ADAMTSL1: variants seen among roughly 807,000 people sequenced by gnomAD.
ADAMTSL1 encodes ADAMTS like 1, also known as ADAMTS-like protein 1.
In ADAMTSL1, 126 loss-of-function variants were observed where a neutral mutation model predicts 201.8. The ratio of observed to expected loss-of-function variants is 0.62; its 90% confidence interval spans 0.54 to 0.72. ADAMTSL1 has a LOEUF of 0.72. Ranked by LOEUF, ADAMTSL1 falls within the 30% of genes least tolerant of loss-of-function variation. ADAMTSL1 has a pLI of 0.00. For missense variants in ADAMTSL1, 2,679 were observed against 2,277.8 expected, an observed-to-expected ratio of 1.18 and a Z score of -3.59; for synonymous variants, 1,121 against 903.4, an observed-to-expected ratio of 1.24 and a Z score of -4.32.
intron 23 of ADAMTSL1, among the ~76,000 whole-genome samples, chr9:18,885,113 T>C (rs1262201923): frequency 2.0e-5 from 3 of 152,198 alleles, no homozygotes; most frequent in African/African-American, 7.2e-5. Flanking sequence ...TCTCAGTCCA[T>C]TTTGTGCTGC....
At chr9:18,364,264 T>C (rs1037715266) in intron 2 of ADAMTSL1, among the ~76,000 whole-genome samples, 36 of 152,254 alleles carry the variant, frequency 2.4e-4, no homozygotes, top group African/African-American at 8.7e-4. Context: ...AAAAACCACC[T>C]GGCAGAGGAA....
intron 2 of ADAMTSL1, among the ~76,000 whole-genome samples, chr9:18,422,938 T>A (rs1294950958): frequency 6.6e-6 from 1 of 152,212 alleles, no homozygotes; most frequent in Non-Finnish European, 1.5e-5. Flanking sequence ...CACTGTGTTA[T>A]CCAATAGTGT....
At position 18,042,095 on chromosome 9, in the gene ADAMTSL1, GAA is replaced by G. The variant is rs76542418; in HGVS notation, c.88-121752_88-121751del. Among the ~76,000 whole-genome samples, 71 of 124,462 alleles carry G rather than the reference GAA, an allele frequency of 5.7e-4. 1 individual carries two copies. The highest frequency in any genetic ancestry group is 1.2e-3 in the African/African-American group (43 of 36,530). 81.7% of individuals were successfully genotyped at this position (124,462 alleles called of 152,430 possible). The stretch of plus-strand genomic sequence containing the variant: ...GCTTTTAGTGAGTTGTAATTGCTGG[GAA>G]AAAAAAAAAAAAAAGCTTACGAACA... On this transcript the variant is annotated intron_variant, in intron 1 of 29. Coordinates refer to the ADAMTSL1 transcript ENST00000680146.
intron 2 of ADAMTSL1, among the ~76,000 whole-genome samples, chr9:18,343,796 T>C (rs1835576348): frequency 6.6e-6 from 1 of 152,112 alleles, no homozygotes; most frequent in Admixed American, 6.6e-5. Context: ...CCCTGGGCAT[T>C]TGTGCTTAAA....
intron 1 of ADAMTSL1, among the ~76,000 whole-genome samples, chr9:18,021,622 T>C (rs573343328): frequency 6.6e-6 from 1 of 152,142 alleles, no homozygotes; most frequent in African/African-American, 2.4e-5. Context: ...TAAGGTCTAA[T>C]AAATGTTTAT....
intron 2 of ADAMTSL1, among the ~76,000 whole-genome samples, chr9:18,274,118 G>A (rs929967645): frequency 2.6e-5 from 4 of 152,226 alleles, no homozygotes; most frequent in Non-Finnish European, 5.9e-5. Context: ...TCTCTCACTT[G>A]TATTGCAAAA....
chr9:18,288,763 C>T (rs1355199041), intron 2 of ADAMTSL1, among the ~76,000 whole-genome samples: 1 of 152,250 alleles, frequency 6.6e-6, no homozygotes. Flanking sequence ...CCTCAGGTCT[C>T]TTCAGCCTGA....
chr9:18,081,819 T>C (rs1287707586), intron 1 of ADAMTSL1, among the ~76,000 whole-genome samples: 1 of 152,214 alleles, frequency 6.6e-6, no homozygotes, highest in Non-Finnish European at 1.5e-5. Context: ...CGTATCTGCA[T>C]TGTTTTAAAC....
chr9:18,240,623 T>G (rs1229508253), intron 2 of ADAMTSL1, among the ~76,000 whole-genome samples: 1 of 152,212 alleles, frequency 6.6e-6, no homozygotes, highest in African/African-American at 2.4e-5. Context: ...AAGGCCTAGA[T>G]GGCATCTTCT....
At position 18,680,318 on chromosome 9, in the gene ADAMTSL1, G is replaced by A; in HGVS notation, c.1143G>A (p.Glu381=). The change falls in exon 11 of 29, where the codon GAG becomes GAA. Residue 381 remains glutamate (E), a synonymous_variant. Coordinates refer to ENST00000380548, the MANE Select transcript of ADAMTSL1 (RefSeq NM_001040272.6). ...ACTCCCCTTGCTTCTGTAGGTGGGA[G>A]GCCACCCCATGGACCGCGTGCTCCT... ...YDLYHPLPRW[E]ATPWTACSSS... The A allele has an allele frequency of 1.9e-6, 3 of 1,614,038 alleles. No individual in the cohort carries two copies. The highest frequency in any genetic ancestry group is 1.1e-5 in the South Asian group (1 of 91,048).
rs150125102 is a variant in ADAMTSL1, at chr9:18,158,981, A to G, written c.88-4881A>G. 1.2e-3 allele frequency among the ~76,000 whole-genome samples: 181 copies of G among 152,090 alleles called. 1 individual carries two copies. Among genetic ancestry groups the G allele is most frequent in the African/African-American group, 4.1e-3 (169 of 41,536 alleles). ...AGCTAGATTGTTTTGGCTCCAATAAATGTTTCTATTCAGCTATTTATCCAT... is the reference window on the plus strand; with the variant it reads ...AGCTAGATTGTTTTGGCTCCAATAAGTGTTTCTATTCAGCTATTTATCCAT... On this transcript the variant is annotated intron_variant, in intron 1 of 29. Coordinates refer to the ADAMTSL1 transcript ENST00000680146.
At chr9:18,674,575 C>T (rs1247275982) in intron 9 of ADAMTSL1, among the ~76,000 whole-genome samples, 2 of 152,062 alleles carry the variant, frequency 1.3e-5, no homozygotes, top group African/African-American at 4.8e-5. Flanking sequence ...GTTTGCTAGC[C>T]ATATTTTATA....
At chr9:18,018,850 A>G (rs563889111) in intron 1 of ADAMTSL1, among the ~76,000 whole-genome samples, 1 of 152,210 alleles carries the variant, frequency 6.6e-6, no homozygotes, top group South Asian at 2.1e-4. Context: ...CGAGGTATCA[A>G]TAGATAAACA....
intron 1 of ADAMTSL1, among the ~76,000 whole-genome samples, chr9:18,036,362 A>G (rs781446567): frequency 1.3e-5 from 2 of 152,200 alleles, no homozygotes; most frequent in Non-Finnish European, 2.9e-5. Flanking sequence ...TACCCCATGT[A>G]ATAAAATGCT....
At chr9:17,989,319 T>C (rs1019923522) in intron 1 of ADAMTSL1, among the ~76,000 whole-genome samples, 19 of 151,932 alleles carry the variant, frequency 1.3e-4, no homozygotes, top group Admixed American at 3.3e-4. Flanking sequence ...CTTTATTTAT[T>C]TAATATTTTC....
chr9:18,033,730 A>G (rs1036965980), intron 1 of ADAMTSL1, among the ~76,000 whole-genome samples: 1 of 152,188 alleles, frequency 6.6e-6, no homozygotes, highest in Middle Eastern at 3.2e-3. Flanking sequence ...TGCACGCTAT[A>G]GTTCCATCTT....
chr9:18,890,462 G>A, intron 25 of ADAMTSL1: 1 of 455,212 alleles, frequency 2.2e-6, no homozygotes, highest in Non-Finnish European at 4.4e-6. Context: ...CTGAGAGCCT[G>A]GGGGGATGTG....
chr9:18,669,221 T>G (rs1376462737), intron 9 of ADAMTSL1, among the ~76,000 whole-genome samples: 2 of 152,250 alleles, frequency 1.3e-5, no homozygotes, highest in African/African-American at 4.8e-5. Context: ...GTGTAAATAC[T>G]GACGTTTACT....
intron 3 of ADAMTSL1, among the ~76,000 whole-genome samples, chr9:18,539,363 G>C (rs1018862194): frequency 2.0e-5 from 3 of 152,134 alleles, no homozygotes; most frequent in African/African-American, 7.2e-5. Flanking sequence ...CACGCTATCA[G>C]TATGGAGGTA....
Sources: gnomAD v4.1 joint callset for allele counts (sites outside exome capture counted in the v4.1 genomes callset) on GRCh38, gnomAD v4.1.1 for gene constraint, MANE v1.5 for transcripts, NCBI Gene and HGNC (gene_info 2026-07-23, HGNC 2026-07-21) for gene names.